Variants in CAPN2 observed in about 807,000 individuals in gnomAD.
CAPN2 encodes calpain 2.
CAPN2 carries 92 observed loss-of-function variants against 102.3 expected under a neutral mutation model. The observed-to-expected ratio is 0.90, with a 90% CI of 0.76 to 1.07. CAPN2 has a LOEUF of 1.07. Among genes scored for constraint, CAPN2 ranks in the 50% least tolerant of loss-of-function variants. The pLI, the probability that CAPN2 is intolerant of heterozygous loss-of-function variation, is 0.00. For synonymous variants in CAPN2, 340 were observed against 355.4 expected (o/e 0.96, Z 0.49); for missense variants, 800 against 909.4 (o/e 0.88, Z 1.55).
At chr1:223,713,391 A>T (rs1421501029) in intron 1 of CAPN2, among the ~76,000 whole-genome samples, 1 of 152,008 alleles carries the variant, frequency 6.6e-6, no homozygotes, top group Non-Finnish European at 1.5e-5. Flanking sequence ...CTGGGGTTAG[A>T]TTTATTTTTC....
At chr1:223,749,724 A>G (rs1214161514) in intron 6 of CAPN2, among the ~76,000 whole-genome samples, 2 of 152,190 alleles carry the variant, frequency 1.3e-5, no homozygotes, top group Non-Finnish European at 2.9e-5. Context: ...TTGTTATTGA[A>G]AATATTATGG....
intron 2 of CAPN2, among the ~76,000 whole-genome samples, chr1:223,741,499 G>C (rs1358353074): frequency 6.8e-6 from 1 of 147,812 alleles, no homozygotes; most frequent in African/African-American, 2.5e-5. Flanking sequence ...TTGTTGCCCA[G>C]GCTGGAATGC....
intron 2 of CAPN2, among the ~76,000 whole-genome samples, chr1:223,728,797 A>G (rs896934663): frequency 6.6e-6 from 1 of 152,176 alleles, no homozygotes; most frequent in Non-Finnish European, 1.5e-5. Flanking sequence ...CTGATGTGCC[A>G]GCTTCAGGAC....
At chr1:223,746,925 G>C (rs1660763867) in intron 4 of CAPN2, 72 bp from the exon 5 acceptor site, 3 of 1,377,866 alleles carry the variant, frequency 2.2e-6, no homozygotes, top group Non-Finnish European at 3.0e-6. Flanking sequence ...ACGGTACTAG[G>C]GGGTGGCTGT....
intron 1 of CAPN2, among the ~76,000 whole-genome samples, chr1:223,716,524 G>A (rs1271811312): frequency 3.9e-5 from 6 of 152,010 alleles, no homozygotes; most frequent in Non-Finnish European, 4.4e-5. Context: ...TGTCCTCTGC[G>A]GCAGATGGTG....
intron 2 of CAPN2, among the ~76,000 whole-genome samples, chr1:223,737,704 GGGC>G (rs1279616031): frequency 1.2e-4 from 3 of 25,378 alleles, no homozygotes; most frequent in South Asian, 4.0e-3. Context: ...AAAAGAGACG[GGGC>G]GGGGGGTGGG....
intron 2 of CAPN2, among the ~76,000 whole-genome samples, chr1:223,736,334 G>A (rs908440472): frequency 6.6e-6 from 1 of 152,184 alleles, no homozygotes; most frequent in Admixed American, 6.5e-5. Context: ...AACCCCAGGA[G>A]GATGGCATCG....
At chr1:223,706,246 G>A (rs1659602184) in intron 1 of CAPN2, among the ~76,000 whole-genome samples, 1 of 152,142 alleles carries the variant, frequency 6.6e-6, no homozygotes, top group African/African-American at 2.4e-5. Context: ...CCAGGGAGAA[G>A]CCTTTCCATG....
chr1:223,704,904 T>C (rs1659568926), intron 1 of CAPN2, among the ~76,000 whole-genome samples: 1 of 151,900 alleles, frequency 6.6e-6, no homozygotes, highest in African/African-American at 2.4e-5. Flanking sequence ...GGTGATGGAG[T>C]TGGGTGACTG....
intron 16 of CAPN2, 24 bp downstream of exon 16, chr1:223,766,455 A>T: frequency 1.9e-6 from 3 of 1,556,388 alleles, no homozygotes; most frequent in South Asian, 1.1e-5. Context: ...TGCTCCAGGG[A>T]ATAGAGACTG....
intron 1 of CAPN2, among the ~76,000 whole-genome samples, chr1:223,716,351 C>T (rs1388106890): frequency 6.6e-6 from 1 of 152,182 alleles, no homozygotes; most frequent in African/African-American, 2.4e-5. Flanking sequence ...TAAACAGGCT[C>T]CCAGCACCAA....
chr1:223,724,965 C>T (rs557989378), intron 2 of CAPN2, among the ~76,000 whole-genome samples: 1 of 152,218 alleles, frequency 6.6e-6, no homozygotes, highest in African/African-American at 2.4e-5. Context: ...TGGAGTGAGA[C>T]CTTGTCTCAA....
intron 4 of CAPN2, 61 bp from the exon 5 acceptor site, chr1:223,746,936 T>G: frequency 6.8e-7 from 1 of 1,477,936 alleles, no homozygotes; most frequent in Non-Finnish European, 9.3e-7. Context: ...GGGTGGCTGT[T>G]TGAGAGATTA....
chr1:223,716,805 A>T (rs947363363), intron 1 of CAPN2, among the ~76,000 whole-genome samples: 2 of 152,006 alleles, frequency 1.3e-5, no homozygotes, highest in Non-Finnish European at 2.9e-5. Context: ...TGAAAGGGCT[A>T]AGAAGTGTTC....
rs28370007 is a variant in CAPN2, at chr1:223,712,772, G to C, written c.132G>C (p.Thr44=). 39 of 1,580,004 alleles carry C rather than the reference G, an allele frequency of 2.5e-5. No individual in the cohort carries two copies. In the African/African-American group the frequency reaches 3.7e-4, roughly 15 times the overall value. The change falls in exon 1 of 21, where the codon ACG becomes ACC. Residue 44 remains threonine (T), a synonymous_variant. Transcript: ENST00000295006. ...ALRNECLEAG[T]LFQDPSFPAI... ...GGAACGAGTGCCTGGAGGCCGGGACGCTCTTCCAGGACCCGTCCTTCCCGG... is the reference window on the plus strand; with the variant it reads ...GGAACGAGTGCCTGGAGGCCGGGACCCTCTTCCAGGACCCGTCCTTCCCGG...
At chr1:223,762,809 T>C (rs1193220927) in intron 14 of CAPN2, among the ~76,000 whole-genome samples, 1 of 152,148 alleles carries the variant, frequency 6.6e-6, no homozygotes, top group Non-Finnish European at 1.5e-5. Flanking sequence ...GTCTCCCAAG[T>C]AGCTGGGACT....
chr1:223,746,566 G>A (rs908736770), intron 4 of CAPN2, among the ~76,000 whole-genome samples: 6 of 144,818 alleles, frequency 4.1e-5, no homozygotes, highest in East Asian at 2.0e-4. Context: ...CAATTTCCAC[G>A]TTCTGAGTTT....
At chr1:223,749,206 CGCG>C (rs1192669787) in intron 6 of CAPN2, 84 bp downstream of exon 6, 2 of 1,223,120 alleles carry the variant, frequency 1.6e-6, no homozygotes, top group African/African-American at 3.0e-5. Context: ...CCCAGGGGCC[CGCG>C]CGGCCCCACG....
In CAPN2 at chr1:223,732,448, G is replaced by T. The variant is rs8179303; in HGVS notation, c.308-11652G>T. Among the ~76,000 whole-genome samples the T allele has an allele frequency of 4.8e-3, 728 of 152,274 alleles. 35 individuals are homozygous for T. The East Asian group carries it at 0.11, about 24-fold the overall frequency. ...TTCATGCCTCCTCTTTTTAGATCAC[G>T]TAGGGTAACTTCCTGATGTTGCCAT... On this transcript the variant is annotated intron_variant, in intron 2 of 20. Coordinates refer to ENST00000295006, the MANE Select transcript of CAPN2 (RefSeq NM_001748.5).
Sources: allele counts gnomAD v4.1 joint callset (sites outside exome capture counted in the v4.1 genomes callset), GRCh38; gene constraint gnomAD v4.1.1; transcripts MANE v1.5; gene names NCBI Gene and HGNC (gene_info 2026-07-23, HGNC 2026-07-21).